Variants in KCP observed in about 807,000 individuals in gnomAD.
KCP encodes the protein kielin/chordin-like protein.
A neutral mutation model predicts 212.7 loss-of-function variants in KCP; 194 were observed. The observed-to-expected ratio is 0.91, with a 90% CI of 0.81 to 1.03. The LOEUF is 1.03. Ranked by LOEUF, KCP falls within the 50% of genes least tolerant of loss-of-function variation. The pLI is 0.00. For missense variants in KCP, 2,080 were observed against 2,162.5 expected (o/e 0.96, Z 0.76); for synonymous variants, 833 against 865.3 (o/e 0.96, Z 0.65).
intron 29 of KCP, among the ~76,000 whole-genome samples, chr7:128,882,514 T>C (rs1793393300): frequency 6.6e-6 from 1 of 152,148 alleles, no homozygotes; most frequent in African/African-American, 2.4e-5. Context: ...TGGGTAACTA[T>C]GAAAATGAAG....
chr7:128,903,018 C>T, intron 7 of KCP, 159 bp from the exon 8 acceptor site: 2 of 626,946 alleles, frequency 3.2e-6, no homozygotes, highest in South Asian at 3.8e-5. Context: ...CAGTGGCTCC[C>T]AGTGCCCCAG....
At chr7:128,895,215 AC>A (rs565518261) in intron 8 of KCP, among the ~76,000 whole-genome samples, 61 of 152,272 alleles carry the variant, frequency 4.0e-4, no homozygotes, top group African/African-American at 1.4e-3. Context: ...AGATACATAA[AC>A]TAGCATGTCA....
In KCP at chr7:128,892,628, G is replaced by C. The variant is rs141937279; in HGVS notation, c.1528-21C>G. 2.4e-4 allele frequency: 379 copies of C among 1,551,036 alleles called. 1 individual carries two copies. In the African/African-American group the frequency reaches 2.7e-3, roughly 11 times the overall value. ...CCATCCTGCGAGAGAGCAGGGGAGAGAGCAATCGGGGCATGCCCAGGAGGG... is the reference window on the plus strand; with the variant it reads ...CCATCCTGCGAGAGAGCAGGGGAGACAGCAATCGGGGCATGCCCAGGAGGG... On this transcript the variant is annotated intron_variant, in intron 15 of 39. Coordinates refer to ENST00000610776, the MANE Select transcript of KCP (RefSeq NM_001366122.1).
chr7:128,886,398 T>C (rs1303184978), intron 26 of KCP, 66 bp downstream of exon 26: 2 of 1,180,304 alleles, frequency 1.7e-6, no homozygotes, highest in Non-Finnish European at 1.1e-6. Context: ...GGGAGGGAGG[T>C]GGGGTGGACA....
rs941500080 is a variant in KCP at position 128,890,156 on chromosome 7, G to A, written c.2335+187C>T. On this transcript the variant is annotated intron_variant, in intron 21 of 39. Coordinates refer to ENST00000610776, the MANE Select transcript of KCP (RefSeq NM_001366122.1). The stretch of plus-strand genomic sequence containing the variant: ...GCTGGTCTTGAACTCCTGGGCTCAA[G>A]TGATCCTCCTGCCTCAGCCTCCCAA... 1.5e-5 allele frequency: 16 copies of A among 1,081,074 alleles called. No individual in the cohort carries two copies. In the African/African-American group the frequency reaches 2.2e-4, roughly 15 times the overall value. 67.0% of individuals were successfully genotyped at this position (1,081,074 alleles called of 1,614,324 possible). A position where few individuals can be genotyped will look rare whatever the true frequency, so the allele number is the denominator to read the frequency against.
In KCP at chr7:128,881,090, G is replaced by A. The variant is rs184933011; in HGVS notation, c.3425-5C>T. On this transcript the variant is annotated splice_region_variant and splice_polypyrimidine_tract_variant and intron_variant, in intron 31 of 39. Transcript: ENST00000610776. ...CCTCGGCCTCCACCACACATTCTGA[G>A]GGGGGAGACATGGGATGGGCAGGCA... 593 of 398,830 alleles carry A rather than the reference G, an allele frequency of 1.5e-3. 3 individuals are homozygous for A. The highest frequency in any genetic ancestry group is 0.011 in the African/African-American group (539 of 48,766). The allele number at this position is 398,830 out of a possible 1,614,324, so 24.7% of individuals were successfully genotyped here.
Position 128,884,969 on chromosome 7 carries a change from G to A in KCP, c.3041-106C>T. The stretch of plus-strand genomic sequence containing the variant: ...AGCCTCCCCCTGATCCCAGGGAGTG[G>A]AGTGTGCACAAGGACGGAGGCCACT... On this transcript the variant is annotated intron_variant, in intron 27 of 39. Coordinates refer to ENST00000610776, the MANE Select transcript of KCP (RefSeq NM_001366122.1). 3 of 1,484,302 alleles carry A rather than the reference G, an allele frequency of 2.0e-6. No individual in the cohort carries two copies. In the South Asian group the frequency reaches 3.6e-5, roughly 18 times the overall value. 91.9% of individuals were successfully genotyped at this position (1,484,302 alleles called of 1,614,324 possible). A position where few individuals can be genotyped will look rare whatever the true frequency, so the allele number is the denominator to read the frequency against.
In KCP at chr7:128,888,119, T is replaced by TATAC. The variant is rs566048308; in HGVS notation, c.2512+743_2512+744insGTAT. Among the ~76,000 whole-genome samples the TATAC allele has an allele frequency of 3.4e-5, 4 of 118,038 alleles. No individual in the cohort carries two copies. The East Asian group carries it at 7.3e-4, about 22-fold the overall frequency. 77.4% of individuals were successfully genotyped at this position (118,038 alleles called of 152,430 possible). A position where few individuals can be genotyped will look rare whatever the true frequency, so the allele number is the denominator to read the frequency against. On this transcript the variant is annotated intron_variant, in intron 22 of 39. Coordinates refer to ENST00000610776, the MANE Select transcript of KCP (RefSeq NM_001366122.1). ...ACCCACATACACACAGCTACAGCCA[T>TATAC]ACACACACACACACACACACAGGGC...
intron 22 of KCP, among the ~76,000 whole-genome samples, chr7:128,888,435 CAT>C (rs1371415970): frequency 2.6e-5 from 4 of 150,982 alleles, no homozygotes; most frequent in African/African-American, 7.3e-5. Context: ...CATACACACA[CAT>C]ATACACACGG....
rs934844819 is a variant in KCP at position 128,891,276 on chromosome 7, G to T, written c.1881C>A (p.Ser627Arg). The T allele has an allele frequency of 6.5e-7, 1 of 1,547,214 alleles. No individual in the cohort carries two copies. The highest frequency in any genetic ancestry group is 2.0e-5 in the Admixed American group (1 of 50,980). ...SDPCRLCRCL[S>R]GNVQCLARRC... is the part of the protein sequence containing the mutation. ...GGCGGGCCAGGCACTGCACGTTGCC[G>T]CTCTACGGACCGACAGACGCACCAC... Residue 627 changes from serine (S) to arginine (R), a missense_variant and splice_region_variant, in exon 19 of 40, where the codon AGC becomes AGA. Ser to Arg is a moderately radical substitution (Grantham distance 110). Transcript: ENST00000610776.
In KCP at chr7:128,880,670, G is replaced by T; in HGVS notation, c.3565C>A (p.His1189Asn). 1 of 641,474 alleles carries T rather than the reference G, an allele frequency of 1.6e-6. No homozygotes were observed. The highest frequency in any genetic ancestry group is 2.4e-6 in the Non-Finnish European group (1 of 420,224). The allele number at this position is 641,474 out of a possible 1,614,324, so 39.7% of individuals were successfully genotyped here. The change falls in exon 33 of 40, where the codon CAT becomes AAT. Residue 1189 changes from histidine to asparagine, a missense_variant. Transcript: ENST00000610776. ...GCCTGGGGCACCTTCGCCCAGCCAT[G>T]GGGGCAGGAGAGGGCCTGGCACTCC... ...LEECQALSCP[H>N]GWAKVPQADS...
chr7:128,909,252 G>A (rs1795307160), intron 1 of KCP, among the ~76,000 whole-genome samples: 2 of 152,196 alleles, frequency 1.3e-5, no homozygotes, highest in African/African-American at 2.4e-5. Flanking sequence ...CCTCCAGGCA[G>A]GGATGGGCAG....
chr7:128,908,306 G>GAAAGAAAGAAAGAAAGAAAT, intron 2 of KCP, 120 bp downstream of exon 2: 1 of 718,164 alleles, frequency 1.4e-6, no homozygotes, highest in Non-Finnish European at 2.0e-6. Context: ...AAGAAAGAAA[G>GAAAGAAAGAAAGAAAGAAAT]GGAATTGTTC....
chr7:128,891,044 G>A lies in KCP; in HGVS notation c.2025C>T (p.His675=). ...CGCCGGGCGGGGAGAAGTACTCCTG[G>A]TGGCGGGCGTGGGCCGCGCCGGGCC... is the stretch of plus-strand genomic sequence containing the variant. ...CPRPGAAHAR[H]QEYFSPPGDP... is the part of the protein sequence containing the mutation. Residue 675 remains histidine (H), a synonymous_variant, in exon 20 of 40, where the codon CAC becomes CAT. Coordinates refer to ENST00000610776, the MANE Select transcript of KCP (RefSeq NM_001366122.1). 2 of 1,376,690 alleles carry A rather than the reference G, an allele frequency of 1.5e-6. No individual in the cohort carries two copies. Among genetic ancestry groups the A allele is most frequent in the Non-Finnish European group, 9.3e-7 (1 of 1,071,286 alleles). 85.3% of individuals were successfully genotyped at this position (1,376,690 alleles called of 1,614,324 possible).
rs564223708 is a variant in KCP, at chr7:128,891,433, A to G, written c.1878+18T>C. Reference sequence around the variant, plus strand: ...GCCTCCACTCCCCTGGGCGCCTCCCACCCAGGTGCAGACTCACCAGACAGC... The same window carrying G: ...GCCTCCACTCCCCTGGGCGCCTCCCGCCCAGGTGCAGACTCACCAGACAGC... On this transcript the variant is annotated intron_variant, in intron 18 of 39. Transcript: ENST00000610776. The G allele has an allele frequency of 3.9e-5, 60 of 1,548,712 alleles. No individual in the cohort carries two copies. Among genetic ancestry groups the G allele is most frequent in the Admixed American group, 2.6e-4 (13 of 50,970 alleles).
Position 128,878,628 on chromosome 7 carries a change from G to A in KCP, c.4241C>T (p.Ala1414Val), listed in dbSNP as rs202243458. 273 of 1,551,472 alleles carry A rather than the reference G, an allele frequency of 1.8e-4. 1 individual carries two copies. In the Middle Eastern group the frequency reaches 2.3e-3, roughly 13 times the overall value. Residue 1414 changes from alanine (A) to valine (V), a missense_variant, in exon 38 of 40, where the codon GCC becomes GTC. Physicochemically the swap from Ala to Val is moderately conservative, Grantham distance 64 (BLOSUM62 0). Transcript: ENST00000610776. ...CGLCGNFNGF[A>V]QDDLQGPEGL... ...CTCAGGGCCCTGCAGATCGTCCTGG[G>A]CAAAGCCATTGAAGTTCCCACAGAG...
intron 8 of KCP, among the ~76,000 whole-genome samples, chr7:128,901,542 C>T (rs970546937): frequency 2.0e-5 from 3 of 152,030 alleles, no homozygotes; most frequent in East Asian, 3.9e-4. Flanking sequence ...AGGAGAATGG[C>T]GTGAACCTGG....
At position 128,877,551 on chromosome 7, in the gene KCP, C is replaced by G. The variant is rs1381146443; in HGVS notation, c.4551G>C (p.Leu1517=). 7 of 1,551,506 alleles carry G rather than the reference C, an allele frequency of 4.5e-6. No individual in the cohort carries two copies. The highest frequency in any genetic ancestry group is 6.1e-6 in the Non-Finnish European group (7 of 1,146,978). Residue 1517 remains leucine, a synonymous_variant, in exon 39 of 40, where the codon CTG becomes CTC. Transcript: ENST00000610776. ...GGCGACAGTGACTGGCGTAGGCTTCCAGGGCATCACAGAGGCAGGCATCAG... is the reference window on the plus strand; with the variant it reads ...GGCGACAGTGACTGGCGTAGGCTTCGAGGGCATCACAGAGGCAGGCATCAG... ...SSADACLCDA[L]EAYASHCRQA...
At chr7:128,899,971 A>C (rs1434853054) in intron 8 of KCP, among the ~76,000 whole-genome samples, 1 of 145,916 alleles carries the variant, frequency 6.9e-6, no homozygotes, top group Admixed American at 6.7e-5. Flanking sequence ...TGGTAAGTAA[A>C]GAATGTCACT....
Sources: gnomAD v4.1 joint callset for allele counts (sites outside exome capture counted in the v4.1 genomes callset) on GRCh38, gnomAD v4.1.1 for gene constraint, MANE v1.5 for transcripts, NCBI Gene and HGNC (gene_info 2026-07-23, HGNC 2026-07-21) for gene names.